The following IL1RAPL2 variants were observed in gnomAD, a reference collection of about 807,000 sequenced individuals.
IL1RAPL2 encodes X-linked interleukin-1 receptor accessory protein-like 2.
In IL1RAPL2, 3 loss-of-function variants were observed where a neutral mutation model predicts 44.1. The observed-to-expected ratio is 0.07, with a 90% CI of 0.03 to 0.18. The LOEUF (loss-of-function observed/expected upper bound fraction) is 0.18, where lower values mean the gene tolerates loss of function less well. Ranked by LOEUF, IL1RAPL2 falls within the 10% of genes least tolerant of loss-of-function variation. The pLI is 1.00. For synonymous variants in IL1RAPL2, 181 were observed against 178.8 expected, an observed-to-expected ratio of 1.01 and a Z score of -0.10; for missense variants, 391 against 496.4, an observed-to-expected ratio of 0.79 and a Z score of 2.02.
At chrX:104,877,750 T>A (rs1922947105) in intron 2 of IL1RAPL2, among the ~76,000 whole-genome samples, 1 of 108,018 alleles carries the variant, frequency 9.3e-6, no homozygotes. Context: ...ATACAGGGCA[T>A]TTTTTTTTTC....
intron 2 of IL1RAPL2, among the ~76,000 whole-genome samples, chrX:105,129,003 A>T (rs868143996): frequency 2.7e-4 from 30 of 110,889 alleles, no homozygotes; most frequent in Admixed American, 7.7e-4. Flanking sequence ...AAACATCTAA[A>T]TTTTTTCCAA....
At chrX:105,076,255 T>C (rs1216135700) in intron 2 of IL1RAPL2, among the ~76,000 whole-genome samples, 2 of 111,524 alleles carry the variant, frequency 1.8e-5, no homozygotes, top group East Asian at 2.8e-4. Flanking sequence ...TTTGTTCTCG[T>C]TGGTTTCAAA....
At chrX:104,716,722 A>C (rs772777144) in intron 2 of IL1RAPL2, among the ~76,000 whole-genome samples, 2 of 111,904 alleles carry the variant, frequency 1.8e-5, no homozygotes, top group Non-Finnish European at 3.8e-5. Context: ...CCACAATGAG[A>C]TACCATCTCA....
intron 6 of IL1RAPL2, among the ~76,000 whole-genome samples, chrX:105,681,495 C>T (rs758758886): frequency 1.8e-5 from 2 of 112,260 alleles, no homozygotes; most frequent in East Asian, 2.8e-4. Flanking sequence ...CAGTGGTGCA[C>T]GCCTATAATC....
chrX:104,756,234 G>T (rs1932337261), intron 2 of IL1RAPL2, among the ~76,000 whole-genome samples: 1 of 109,393 alleles, frequency 9.1e-6, no homozygotes, highest in African/African-American at 3.3e-5. Context: ...GATGTACAAG[G>T]AAATGTGTTG....
At chrX:104,731,402 G>A (rs1931915078) in intron 2 of IL1RAPL2, among the ~76,000 whole-genome samples, 2 of 111,054 alleles carry the variant, frequency 1.8e-5, no homozygotes, top group Admixed American at 9.6e-5. Context: ...TGTATAAGGT[G>A]TAACAGACTT....
intron 5 of IL1RAPL2, among the ~76,000 whole-genome samples, chrX:105,474,905 T>C (rs1602428498): frequency 1.8e-5 from 2 of 111,019 alleles, no homozygotes; most frequent in Non-Finnish European, 3.8e-5. Context: ...GGAAGAAATA[T>C]GACAGTATAG....
At chrX:105,211,960 G>A (rs1220006117) in intron 3 of IL1RAPL2, among the ~76,000 whole-genome samples, 1 of 112,235 alleles carries the variant, frequency 8.9e-6, no homozygotes, top group African/African-American at 3.2e-5. Flanking sequence ...CACAGTTTTT[G>A]TAATCTGCAG....
intron 6 of IL1RAPL2, among the ~76,000 whole-genome samples, chrX:105,612,112 G>GT (rs1480031419): frequency 9.0e-6 from 1 of 110,539 alleles, no homozygotes; most frequent in African/African-American, 3.3e-5. Context: ...TTGTTTGTTT[G>GT]TTTTTTGTTT....
At chrX:105,218,521 T>G (rs1022599577) in intron 3 of IL1RAPL2, among the ~76,000 whole-genome samples, 1 of 111,303 alleles carries the variant, frequency 9.0e-6, no homozygotes. Flanking sequence ...ATCTAAGGCC[T>G]AGATGCGAGT....
intron 7 of IL1RAPL2, among the ~76,000 whole-genome samples, chrX:105,739,272 A>G (rs1432323313): frequency 9.0e-6 from 1 of 110,693 alleles, no homozygotes; most frequent in African/African-American, 3.3e-5. Flanking sequence ...CATACAAGCC[A>G]TGCTGACTTT....
intron 5 of IL1RAPL2, among the ~76,000 whole-genome samples, chrX:105,358,360 C>CTT (rs398069281): frequency 1.1e-5 from 1 of 87,990 alleles, no homozygotes; most frequent in Non-Finnish European, 2.3e-5. Flanking sequence ...AAAGTTCAGT[C>CTT]TTTTTTTTTT....
chrX:104,959,642 T>C (rs986201138), intron 2 of IL1RAPL2, among the ~76,000 whole-genome samples: 16 of 111,694 alleles, frequency 1.4e-4, no homozygotes, highest in Non-Finnish European at 1.1e-4. Context: ...AGGGTACCAA[T>C]TGGGGATCAC....
intron 2 of IL1RAPL2, among the ~76,000 whole-genome samples, chrX:104,897,186 T>C (rs1242466333): frequency 8.9e-6 from 1 of 112,090 alleles, no homozygotes; most frequent in Non-Finnish European, 1.9e-5. Context: ...GCAGTTATTA[T>C]CAGATGGCTG....
intron 5 of IL1RAPL2, among the ~76,000 whole-genome samples, chrX:105,356,302 A>G (rs1056705540): frequency 3.6e-5 from 4 of 110,176 alleles, no homozygotes; most frequent in Non-Finnish European, 5.7e-5. Context: ...TCTTAATGGG[A>G]GATTTTTTCA....
intron 5 of IL1RAPL2, among the ~76,000 whole-genome samples, chrX:105,278,907 C>A (rs1426050804): frequency 3.6e-5 from 4 of 111,531 alleles, no homozygotes; most frequent in African/African-American, 1.3e-4. Flanking sequence ...GCTTTTTCCA[C>A]TCCTCTTTGC....
chrX:104,582,906 G>C (rs1406969017), intron 1 of IL1RAPL2, among the ~76,000 whole-genome samples: 1 of 70,257 alleles, frequency 1.4e-5, no homozygotes, highest in South Asian at 7.2e-4. Flanking sequence ...TTCTTATTGA[G>C]ATGATGGAGT....
At chrX:105,306,023 C>T (rs2034734246) in intron 5 of IL1RAPL2, among the ~76,000 whole-genome samples, 1 of 92,584 alleles carries the variant, frequency 1.1e-5, no homozygotes, top group South Asian at 4.1e-4. Flanking sequence ...CATTTTATAA[C>T]TACTTCATTT....
chrX:104,928,518 GC>G (rs1924825389), intron 2 of IL1RAPL2, among the ~76,000 whole-genome samples: 1 of 111,439 alleles, frequency 9.0e-6, no homozygotes, highest in Non-Finnish European at 1.9e-5. Flanking sequence ...TTGAGGCTGT[GC>G]CGCACTTACG....
Sources: gnomAD v4.1 joint callset for allele counts (sites outside exome capture counted in the v4.1 genomes callset) on GRCh38, gnomAD v4.1.1 for gene constraint, MANE v1.5 for transcripts, NCBI Gene and HGNC (gene_info 2026-07-23, HGNC 2026-07-21) for gene names.